Variants in TMEM74 observed in about 807,000 individuals in gnomAD.
TMEM74 encodes the protein transmembrane protein 74.
In TMEM74, 13 loss-of-function variants were observed where a neutral mutation model predicts 18.1. The observed-to-expected ratio is 0.72, with a 90% CI of 0.47 to 1.14. The LOEUF is 1.14. Ranked by LOEUF, TMEM74 falls within the 50% of genes most tolerant of loss-of-function variation. The pLI, the probability that TMEM74 is intolerant of heterozygous loss-of-function variation, is 0.00. For missense variants in TMEM74, 372 were observed against 375.9 expected (o/e 0.99, Z 0.09); for synonymous variants, 159 against 146.6 (o/e 1.08, Z -0.61).
At chr8:108,722,080 T>G (rs1813591453) in intron 1 of TMEM74, among the ~76,000 whole-genome samples, 1 of 152,190 alleles carries the variant, frequency 6.6e-6, no homozygotes, top group Non-Finnish European at 1.5e-5. Flanking sequence ...TCTAGATATT[T>G]TGTGGTTTTA....
Position 108,609,988 on chromosome 8 carries a change from G to A in TMEM74, n.265-1162C>T, listed in dbSNP as rs540782344. 6.3e-4 allele frequency among the ~76,000 whole-genome samples: 96 copies of A among 152,144 alleles called. 1 individual carries two copies. In the South Asian group the frequency reaches 0.016, roughly 26 times the overall value. On this transcript the variant is annotated intron_variant and non_coding_transcript_variant, in intron 2 of 3. Coordinates refer to the TMEM74 transcript ENST00000518838. Reference sequence around the variant, plus strand: ...GAAGAAAGATAGTAAGAAAATAAACGGGCCAAAAATATTTCTGTCAGTGGC... The same window carrying A: ...GAAGAAAGATAGTAAGAAAATAAACAGGCCAAAAATATTTCTGTCAGTGGC...
intron 1 of TMEM74, among the ~76,000 whole-genome samples, chr8:108,772,098 T>C (rs555175353): frequency 5.9e-5 from 9 of 152,284 alleles, no homozygotes; most frequent in Non-Finnish European, 1.0e-4. Flanking sequence ...ATATACTAAT[T>C]ATTGAGTGTA....
At chr8:108,611,673 T>C (rs1812335465) in intron 2 of TMEM74, among the ~76,000 whole-genome samples, 5 of 152,228 alleles carry the variant, frequency 3.3e-5, no homozygotes. Flanking sequence ...ACGTCTTTGG[T>C]TTCATCTCCT....
chr8:108,767,606 A>G (rs1814123791), intron 1 of TMEM74, among the ~76,000 whole-genome samples: 3 of 152,154 alleles, frequency 2.0e-5, no homozygotes, highest in Admixed American at 6.5e-5. Context: ...CTCTCCCTAA[A>G]TTAATACTGA....
chr8:108,618,827 A>G (rs920674731), intron 2 of TMEM74, among the ~76,000 whole-genome samples: 7 of 152,178 alleles, frequency 4.6e-5, no homozygotes, highest in Non-Finnish European at 1.0e-4. Context: ...TTAATGGGAC[A>G]AAACAGACAT....
intron 1 of TMEM74, among the ~76,000 whole-genome samples, chr8:108,670,941 A>T (rs903670998): frequency 6.6e-6 from 1 of 152,192 alleles, no homozygotes; most frequent in African/African-American, 2.4e-5. Context: ...GCTCATTAAT[A>T]ATAAAAAGGC....
At chr8:108,637,458 TC>T (rs1812618630) in intron 2 of TMEM74, among the ~76,000 whole-genome samples, 1 of 152,090 alleles carries the variant, frequency 6.6e-6, no homozygotes, top group African/African-American at 2.4e-5. Context: ...GGGGAGATTA[TC>T]CCGGATTATC....
At chr8:108,657,767 A>G (rs1463452637) in intron 1 of TMEM74, among the ~76,000 whole-genome samples, 1 of 144,124 alleles carries the variant, frequency 6.9e-6, no homozygotes, top group African/African-American at 2.6e-5. Flanking sequence ...AGCTTGAACC[A>G]GGGAGGTGGA....
intron 2 of TMEM74, among the ~76,000 whole-genome samples, chr8:108,620,007 T>C (rs1238107455): frequency 6.6e-6 from 1 of 152,174 alleles, no homozygotes; most frequent in Non-Finnish European, 1.5e-5. Flanking sequence ...TTCCTCCTCC[T>C]TCTCTTGCAT....
chr8:108,694,917 C>T (rs1276144444), intron 1 of TMEM74, among the ~76,000 whole-genome samples: 1 of 152,110 alleles, frequency 6.6e-6, no homozygotes, highest in African/African-American at 2.4e-5. Flanking sequence ...CTGGAGCCCT[C>T]AAAAATGAAC....
chr8:108,637,701 G>A (rs1359159901), intron 2 of TMEM74, among the ~76,000 whole-genome samples: 1 of 152,116 alleles, frequency 6.6e-6, no homozygotes, highest in African/African-American at 2.4e-5. Context: ...AAGGAAAGAG[G>A]AGGGCAGGAC....
At chr8:108,613,833 A>G (rs2935782) in intron 2 of TMEM74, among the ~76,000 whole-genome samples, 32,529 of 152,088 alleles carry the variant, frequency 0.21, 3,501 homozygotes, top group East Asian at 0.27. Flanking sequence ...AGTATAAACT[A>G]CAAGGTAGAT....
intron 1 of TMEM74, among the ~76,000 whole-genome samples, chr8:108,732,286 T>A (rs557761298): frequency 6.6e-6 from 1 of 152,226 alleles, no homozygotes; most frequent in African/African-American, 2.4e-5. Flanking sequence ...ATTTGTTAAT[T>A]GGAAGATTCA....
intron 2 of TMEM74, among the ~76,000 whole-genome samples, chr8:108,638,486 A>G (rs187015756): frequency 4.6e-5 from 7 of 152,036 alleles, no homozygotes; most frequent in Admixed American, 2.0e-4. Context: ...CAGTTTTTCA[A>G]TAGATTCAAA....
chr8:108,678,463 C>A lies in TMEM74; in HGVS notation n.120-23026G>T, dbSNP rs2349201. Among the ~76,000 whole-genome samples, 954 of 151,788 alleles carry A rather than the reference C, an allele frequency of 6.3e-3. 19 individuals are homozygous for A. Among genetic ancestry groups the A allele is most frequent in the African/African-American group, 0.022 (929 of 41,488 alleles). On this transcript the variant is annotated intron_variant and non_coding_transcript_variant, in intron 1 of 3. Transcript: ENST00000518838. Reference sequence around the variant, plus strand: ...CACTGCAACCTCTGCCTCCTGGGTTCAGGCAATCCTCCTGCCTCAGCCTCT... The same window carrying A: ...CACTGCAACCTCTGCCTCCTGGGTTAAGGCAATCCTCCTGCCTCAGCCTCT...
chr8:108,721,459 A>G (rs1305031259), intron 1 of TMEM74, among the ~76,000 whole-genome samples: 2 of 152,184 alleles, frequency 1.3e-5, no homozygotes, highest in Non-Finnish European at 2.9e-5. Context: ...ATTCTTAGGA[A>G]TTTTGTCTTT....
intron 1 of TMEM74, among the ~76,000 whole-genome samples, chr8:108,674,264 C>T (rs1474576773): frequency 2.0e-5 from 3 of 152,048 alleles, no homozygotes; most frequent in Non-Finnish European, 2.9e-5. Context: ...ATTGTTGGTG[C>T]TTCATAAGTT....
chr8:108,710,985 A>G (rs1029570827), intron 1 of TMEM74, among the ~76,000 whole-genome samples: 3 of 152,222 alleles, frequency 2.0e-5, no homozygotes, highest in East Asian at 1.9e-4. Context: ...AGTCATGTAC[A>G]ATGTAAACAT....
At chr8:108,647,901 A>G (rs900199701) in intron 2 of TMEM74, among the ~76,000 whole-genome samples, 2 of 152,090 alleles carry the variant, frequency 1.3e-5, no homozygotes, top group African/African-American at 2.4e-5. Flanking sequence ...GGTTAGAAGA[A>G]TTTTCCTGGA....
Sources: gnomAD v4.1 joint callset for allele counts (sites outside exome capture counted in the v4.1 genomes callset) on GRCh38, gnomAD v4.1.1 for gene constraint, MANE v1.5 for transcripts, NCBI Gene and HGNC (gene_info 2026-07-23, HGNC 2026-07-21) for gene names.